ZNF461: variants seen among roughly 807,000 people sequenced by gnomAD.
The protein encoded by ZNF461 is gonadotropin-inducible ovarian transcription factor-1.
In ZNF461, 16 loss-of-function variants were observed where a neutral mutation model predicts 18.3. That is an observed-to-expected ratio of 0.88 (90% CI 0.59 to 1.33). The LOEUF is 1.33. Ranked by LOEUF, ZNF461 falls within the 40% of genes most tolerant of loss-of-function variation. The pLI is 0.00. For missense variants in ZNF461, 595 were observed against 669.9 expected (o/e 0.89, Z 1.23); for synonymous variants, 179 against 216.9 (o/e 0.83, Z 1.54).
chr19:36,656,245 A>G (rs1334438349), intron 4 of ZNF461, among the ~76,000 whole-genome samples: 1 of 152,028 alleles, frequency 6.6e-6, no homozygotes, highest in African/African-American at 2.4e-5. Flanking sequence ...TCGGCCTCCC[A>G]AAGTGCTGGG....
At chr19:36,657,885 A>G (rs947342698) in intron 3 of ZNF461, 1 of 157,376 alleles carries the variant, frequency 6.4e-6, no homozygotes, top group African/African-American at 2.4e-5. Context: ...ACTCCAGCCT[A>G]TCACTCTATT....
intron 3 of ZNF461, 172 bp downstream of exon 3, chr19:36,658,127 G>T: frequency 1.6e-6 from 1 of 617,984 alleles, no homozygotes; most frequent in Non-Finnish European, 2.7e-6. Flanking sequence ...AAATGAAAAT[G>T]TACCTCCATT....
rs1403692860 is a variant in ZNF461 at position 36,640,752 on chromosome 19, G to C, written c.302-709C>G. Among the ~76,000 whole-genome samples, 3 of 152,224 alleles carry C rather than the reference G, an allele frequency of 2.0e-5. No individual in the cohort carries two copies. The East Asian group carries it at 5.8e-4, about 29-fold the overall frequency. On this transcript the variant is annotated intron_variant, in intron 5 of 5. Coordinates refer to ENST00000588268, the MANE Select transcript of ZNF461 (RefSeq NM_153257.5). ...ACCTTTCTAGCTTGGATTTTAATGC[G>C]AGAGAAAATTAAATTTATATGCCTG...
At chr19:36,642,787 C>T (rs2037450762) in intron 5 of ZNF461, among the ~76,000 whole-genome samples, 1 of 149,342 alleles carries the variant, frequency 6.7e-6, no homozygotes, top group South Asian at 2.1e-4. Context: ...CAGAGTCTTG[C>T]TCTGTAGCCC....
In ZNF461 at chr19:36,638,720, G is replaced by A. The variant is rs1284134590; in HGVS notation, c.1625C>T (p.Thr542Ile). The change falls in exon 6 of 6, where the codon ACT becomes ATT. Residue 542 changes from threonine (T) to isoleucine (I), a missense_variant. Thr to Ile is a moderately conservative substitution (Grantham distance 89, BLOSUM62 -1). Coordinates refer to ENST00000588268, the MANE Select transcript of ZNF461 (RefSeq NM_153257.5). ...GACTGGCTTCTCGCCAGTATGAAGA[G>A]TCTGATGTAAGTTAAGTTGTAATCT... is the stretch of plus-strand genomic sequence containing the variant. ...NHRLQLNLHQ[T>I]LHTGEKPVRF... The A allele has an allele frequency of 1.2e-6, 2 of 1,613,872 alleles. No individual in the cohort carries two copies. The highest frequency in any genetic ancestry group is 4.5e-5 in the East Asian group (2 of 44,866).
rs2037303507 is a variant in ZNF461 at position 36,636,944 on chromosome 19, A to C, written c.*1709T>G. ...TCCTTGAGCACAGTGTTTATAGATA[A>C]GAGAGCAGGTCACACTCTGGTCATA... On this transcript the variant is annotated 3_prime_UTR_variant, in exon 6 of 6. Transcript: ENST00000588268. Among the ~76,000 whole-genome samples, 1 of 152,182 alleles carries C rather than the reference A, an allele frequency of 6.6e-6. No individual in the cohort carries two copies. The highest frequency in any genetic ancestry group is 1.5e-5 in the Non-Finnish European group (1 of 68,040).
chr19:36,661,666 C>T (rs548130859), intron 2 of ZNF461, among the ~76,000 whole-genome samples: 59 of 151,780 alleles, frequency 3.9e-4, no homozygotes, highest in Admixed American at 1.1e-3. Context: ...GTCACTTTTA[C>T]ATAATAAAAT....
intron 2 of ZNF461, among the ~76,000 whole-genome samples, chr19:36,660,109 A>G (rs1230238090): frequency 2.9e-5 from 4 of 138,328 alleles, no homozygotes; most frequent in Non-Finnish European, 6.2e-5. Flanking sequence ...CTTGTTTCTC[A>G]TTGTTGGTGT....
In ZNF461 at chr19:36,664,781, G is replaced by C; in HGVS notation, c.-75C>G. On this transcript the variant is annotated 5_prime_UTR_variant, in exon 2 of 6. Coordinates refer to ENST00000588268, the MANE Select transcript of ZNF461 (RefSeq NM_153257.5). ...CTGGAAGAAACTCAATCCAAAGAAG[G>C]TGTTGCTGGGAGAGAGGGGAGTTAA... is the stretch of plus-strand genomic sequence containing the variant. The C allele has an allele frequency of 8.3e-7, 1 of 1,198,754 alleles. No individual in the cohort carries two copies. The highest frequency in any genetic ancestry group is 1.1e-6 in the Non-Finnish European group (1 of 892,860). The allele number at this position is 1,198,754 out of a possible 1,614,324, so 74.3% of individuals were successfully genotyped here.
chr19:36,650,003 C>T (rs138440927), intron 4 of ZNF461, among the ~76,000 whole-genome samples: 2,470 of 151,952 alleles, frequency 0.016, 71 homozygotes, highest in African/African-American at 0.054. Flanking sequence ...GGTGAAACCC[C>T]GTCCCTACTA....
chr19:36,642,981 C>G (rs919729963), intron 5 of ZNF461, among the ~76,000 whole-genome samples: 2 of 151,990 alleles, frequency 1.3e-5, no homozygotes, highest in African/African-American at 2.4e-5. Flanking sequence ...GCTGGCCAGG[C>G]TGGTCTCGAA....
intron 2 of ZNF461, among the ~76,000 whole-genome samples, chr19:36,661,721 A>G (rs1322891019): frequency 1.3e-5 from 2 of 150,338 alleles, no homozygotes; most frequent in African/African-American, 5.0e-5. Flanking sequence ...GGAAACACTA[A>G]GGGAAGATCT....
chr19:36,665,416 A>T (rs1472275451), intron 1 of ZNF461, among the ~76,000 whole-genome samples: 1 of 152,218 alleles, frequency 6.6e-6, no homozygotes, highest in African/African-American at 2.4e-5. Context: ...ATCTTTTAGT[A>T]AGAAGTTGCA....
rs188996971 is a variant in ZNF461 at position 36,638,707 on chromosome 19, G to A, written c.1638C>T (p.Gly546=). Residue 546 remains glycine (G), a synonymous_variant, in exon 6 of 6, where the codon GGC becomes GGT. Transcript: ENST00000588268. ...GGAGAGGAAACCTGACTGGCTTCTC[G>A]CCAGTATGAAGAGTCTGATGTAAGT... ...QLNLHQTLHT[G]EKPVRFPLLP... 9.9e-6 allele frequency: 16 copies of A among 1,613,568 alleles called. No homozygotes were observed. The highest frequency in any genetic ancestry group is 1.6e-4 in the Middle Eastern group (1 of 6,062).
rs1600404647 is a variant in ZNF461, at chr19:36,637,731, G to A, written c.*922C>T. On this transcript the variant is annotated 3_prime_UTR_variant, in exon 6 of 6. Coordinates refer to ENST00000588268, the MANE Select transcript of ZNF461 (RefSeq NM_153257.5). ...CCAAATGTGGACTAATAATGAGAAT[G>A]TGTAATAAATCACATATTATGAATA... The A allele has an allele frequency of 5.6e-6, 2 of 358,472 alleles. No individual in the cohort carries two copies. The highest frequency in any genetic ancestry group is 4.2e-5 in the South Asian group (2 of 47,822). 22.2% of individuals were successfully genotyped at this position (358,472 alleles called of 1,614,324 possible).
At chr19:36,661,425 C>T (rs192680019) in intron 2 of ZNF461, among the ~76,000 whole-genome samples, 84 of 151,566 alleles carry the variant, frequency 5.5e-4, no homozygotes, top group Admixed American at 3.6e-3. Flanking sequence ...CCTATAGTGA[C>T]GATAAAATTA....
In ZNF461 at chr19:36,639,669, C is replaced by T; in HGVS notation, c.676G>A (p.Glu226Lys). The T allele has an allele frequency of 6.2e-7, 1 of 1,613,862 alleles. No individual in the cohort carries two copies. Among genetic ancestry groups the T allele is most frequent in the Non-Finnish European group, 8.5e-7 (1 of 1,179,814 alleles). ...KELSECKECT[E>K]IVNTPCLFKQ... ...AAAAGGCATGGTGTATTAACAATTTCTGTGCATTCTTTACATTCAGAAAGT... is the reference window on the plus strand; with the variant it reads ...AAAAGGCATGGTGTATTAACAATTTTTGTGCATTCTTTACATTCAGAAAGT... The change falls in exon 6 of 6, where the codon GAA (glutamate) becomes AAA (lysine). Residue 226 changes from glutamate to lysine, a missense_variant. Coordinates refer to ENST00000588268, the MANE Select transcript of ZNF461 (RefSeq NM_153257.5).
intron 4 of ZNF461, among the ~76,000 whole-genome samples, chr19:36,647,015 T>C (rs960088537): frequency 2.0e-5 from 3 of 152,216 alleles, no homozygotes; most frequent in Non-Finnish European, 4.4e-5. Flanking sequence ...TTGAGACTGA[T>C]AACTATATAT....
chr19:36,657,122 CT>C (rs113948901), intron 3 of ZNF461, among the ~76,000 whole-genome samples: 210 of 144,666 alleles, frequency 1.5e-3, no homozygotes, highest in Non-Finnish European at 1.3e-3. Context: ...ACCCAGCCTC[CT>C]TTTTTTTTTT....
Sources: allele counts gnomAD v4.1 joint callset (sites outside exome capture counted in the v4.1 genomes callset), GRCh38; gene constraint gnomAD v4.1.1; transcripts MANE v1.5; gene names NCBI Gene and HGNC (gene_info 2026-07-23, HGNC 2026-07-21).